The following TLL1 variants were observed in gnomAD, a reference collection of about 807,000 sequenced individuals.
The protein encoded by TLL1 is tolloid-like protein 1.
A neutral mutation model predicts 128.2 loss-of-function variants in TLL1; 49 were observed. The observed-to-expected ratio is 0.38, with a 90% CI of 0.30 to 0.48. TLL1 has a LOEUF of 0.48. TLL1 is among the 20% of genes least tolerant of loss of function. The pLI is 0.96. For synonymous variants in TLL1, 454 were observed against 418.8 expected (o/e 1.08, Z -1.03); for missense variants, 1,123 against 1,242.0 (o/e 0.90, Z 1.44).
chr4:165,874,969 C>G (rs942321959), intron 1 of TLL1: 1 of 152,388 alleles, frequency 6.6e-6, no homozygotes, highest in Non-Finnish European at 1.5e-5. Flanking sequence ...CTGGCCGCGG[C>G]TCGTGTCCGG....
At chr4:165,905,708 C>G (rs1414160510) in intron 1 of TLL1, among the ~76,000 whole-genome samples, 1 of 152,152 alleles carries the variant, frequency 6.6e-6, no homozygotes, top group Non-Finnish European at 1.5e-5. Context: ...AAATTAGCAT[C>G]ACATACAACT....
chr4:166,051,467 A>G (rs1017027633), intron 12 of TLL1, among the ~76,000 whole-genome samples: 2 of 152,094 alleles, frequency 1.3e-5, no homozygotes, highest in Non-Finnish European at 2.9e-5. Context: ...TTTAGTTTCA[A>G]TCATATTTAT....
rs1326724668 is a variant in TLL1 at position 166,103,142 on chromosome 4, T to A, written c.*2266T>A. On this transcript the variant is annotated 3_prime_UTR_variant, in exon 21 of 21. Transcript: ENST00000061240. ...TGTAAAGTTAGATGTTGAAACCCAGTTTATCTTATACAAATGAGCCTCTGC... is the reference window on the plus strand; with the variant it reads ...TGTAAAGTTAGATGTTGAAACCCAGATTATCTTATACAAATGAGCCTCTGC... 1.3e-5 allele frequency: 2 copies of A among 151,900 alleles called. No individual in the cohort carries two copies. Among genetic ancestry groups the A allele is most frequent in the East Asian group, 3.9e-4 (2 of 5,172 alleles). 9.4% of individuals were successfully genotyped at this position (151,900 alleles called of 1,614,324 possible).
chr4:165,939,041 C>A (rs1733884712), intron 1 of TLL1, among the ~76,000 whole-genome samples: 3 of 151,476 alleles, frequency 2.0e-5, no homozygotes, highest in South Asian at 4.2e-4. Flanking sequence ...TGTTTCTCAG[C>A]TATCTGATGG....
At chr4:165,898,441 T>C (rs1195417753) in intron 1 of TLL1, among the ~76,000 whole-genome samples, 2 of 150,614 alleles carry the variant, frequency 1.3e-5, no homozygotes, top group Admixed American at 1.3e-4. Flanking sequence ...TAGCATGAAG[T>C]CGTGTTGAAT....
Position 166,103,670 on chromosome 4 carries a change from C to T in TLL1, c.*2794C>T, listed in dbSNP as rs1742385071. The T allele has an allele frequency of 6.6e-6, 1 of 151,462 alleles. No homozygotes were observed. Among genetic ancestry groups the T allele is most frequent in the African/African-American group, 2.4e-5 (1 of 41,312 alleles). 9.4% of individuals were successfully genotyped at this position (151,462 alleles called of 1,614,324 possible). A position where few individuals can be genotyped will look rare whatever the true frequency, so the allele number is the denominator to read the frequency against. ...ATTTTTATATTAATTCAACATTTGC[C>T]TTAAGTGTGTTGTTAAATGAAAGTA... On this transcript the variant is annotated 3_prime_UTR_variant, in exon 21 of 21. Transcript: ENST00000061240.
At chr4:166,059,562 A>G (rs1293938064) in intron 14 of TLL1, among the ~76,000 whole-genome samples, 3 of 152,056 alleles carry the variant, frequency 2.0e-5, no homozygotes, top group South Asian at 4.1e-4. Context: ...GAAATGAACA[A>G]TTGATTTGGT....
At chr4:165,983,180 G>A (rs1008796638) in intron 1 of TLL1, among the ~76,000 whole-genome samples, 9 of 151,852 alleles carry the variant, frequency 5.9e-5, no homozygotes, top group African/African-American at 2.2e-4. Context: ...GAGACAAAGA[G>A]TTCAGAATGA....
At position 166,060,088 on chromosome 4, in the gene TLL1, A is replaced by G. The variant is rs1483636332; in HGVS notation, c.1907A>G (p.Lys636Arg). 1.2e-6 allele frequency: 2 copies of G among 1,613,820 alleles called. No individual in the cohort carries two copies. Among genetic ancestry groups the G allele is most frequent in the Non-Finnish European group, 1.7e-6 (2 of 1,179,884 alleles). Residue 636 changes from lysine to arginine, a missense_variant, in exon 15 of 21, where the codon AAG becomes AGG. Transcript: ENST00000061240. Reference protein sequence around the residue: ...NGTITTPGWPKEYPPNKNCVW... With the variant: ...NGTITTPGWPREYPPNKNCVW... ...ACCATAACCACCCCTGGCTGGCCCA[A>G]GGAGTACCCTCCTAATAAGAACTGT...
chr4:166,082,238 A>G (rs1263578664), intron 18 of TLL1, among the ~76,000 whole-genome samples: 2 of 152,132 alleles, frequency 1.3e-5, no homozygotes, highest in African/African-American at 2.4e-5. Flanking sequence ...TCAGAGCATA[A>G]TATTGACTCC....
At chr4:166,096,948 G>A (rs1024972817) in intron 19 of TLL1, among the ~76,000 whole-genome samples, 2 of 152,000 alleles carry the variant, frequency 1.3e-5, no homozygotes, top group Non-Finnish European at 2.9e-5. Flanking sequence ...GTGGATCGTA[G>A]AGTACAGATG....
chr4:165,996,470 G>A lies in TLL1; in HGVS notation c.632+1292G>A, dbSNP rs112843152. 8.8e-3 allele frequency among the ~76,000 whole-genome samples: 1,339 copies of A among 152,154 alleles called. 23 individuals are homozygous for A. Among genetic ancestry groups the A allele is most frequent in the African/African-American group, 0.03 (1,238 of 41,510 alleles). On this transcript the variant is annotated intron_variant, in intron 5 of 20. Coordinates refer to ENST00000061240, the MANE Select transcript of TLL1 (RefSeq NM_012464.5). ...CTAAAAATACAAAAATTAGCCAGGT[G>A]TGTTGGCGCGCACCTGTAATCAGGA...
intron 1 of TLL1, among the ~76,000 whole-genome samples, chr4:165,938,182 G>C (rs1733850787): frequency 6.6e-6 from 1 of 151,924 alleles, no homozygotes; most frequent in African/African-American, 2.4e-5. Flanking sequence ...TAATAGAGTG[G>C]ATGTGTTTTT....
chr4:165,882,984 G>A (rs959756676), intron 1 of TLL1, among the ~76,000 whole-genome samples: 8 of 151,982 alleles, frequency 5.3e-5, no homozygotes, highest in African/African-American at 1.7e-4. Flanking sequence ...AGTAAGAACA[G>A]ATGAACTAGT....
chr4:165,982,492 G>C (rs1302068997), intron 1 of TLL1, among the ~76,000 whole-genome samples: 1 of 151,748 alleles, frequency 6.6e-6, no homozygotes, highest in Non-Finnish European at 1.5e-5. Context: ...TTTCGCTGAG[G>C]CCATGTTGTT....
chr4:165,986,620 A>G (rs1353043199), intron 1 of TLL1, among the ~76,000 whole-genome samples: 2 of 152,064 alleles, frequency 1.3e-5, no homozygotes, highest in Non-Finnish European at 2.9e-5. Flanking sequence ...TTTAGAAAAT[A>G]TGGCAATAAA....
chr4:166,099,492 A>G lies in TLL1; in HGVS notation c.2872A>G (p.Thr958Ala), dbSNP rs2291822. 0.066 allele frequency: 106,683 copies of G among 1,613,264 alleles called. 7,365 individuals carry two copies. Among genetic ancestry groups the G allele is most frequent in the East Asian group, 0.42 (18,844 of 44,764 alleles). ...GGAGCTCTTTGATGGTCTTGATTCA[A>G]CAGCTGTGGGGCTTGGTCGATTCTG... is the stretch of plus-strand genomic sequence containing the variant. ...YVELFDGLDS[T>A]AVGLGRFCGS... is the part of the protein sequence containing the mutation. Residue 958 changes from threonine (T) to alanine (A), a missense_variant, in exon 20 of 21, where the codon ACA (threonine) becomes GCA (alanine). This residue lies in a region of TLL1 where 634 missense variants were observed against 672.4 expected (regional missense o/e 0.94). Transcript: ENST00000061240.
At chr4:165,941,762 G>A (rs1734021696) in intron 1 of TLL1, among the ~76,000 whole-genome samples, 2 of 152,154 alleles carry the variant, frequency 1.3e-5, no homozygotes, top group South Asian at 4.1e-4. Flanking sequence ...CTGTTTATTA[G>A]TGTTTATTTT....
chr4:165,963,521 TCTC>T (rs1735220961), intron 1 of TLL1, among the ~76,000 whole-genome samples: 1 of 152,156 alleles, frequency 6.6e-6, no homozygotes, highest in African/African-American at 2.4e-5. Context: ...GAGATTATAT[TCTC>T]CTTACAGCTC....
Sources: gnomAD v4.1 joint callset for allele counts (sites outside exome capture counted in the v4.1 genomes callset) on GRCh38, gnomAD v4.1.1 for gene constraint, gnomAD v4.1.1 regional missense constraint, MANE v1.5 for transcripts, NCBI Gene and HGNC (gene_info 2026-07-23, HGNC 2026-07-21) for gene names.